The following GPC5 variants were observed in gnomAD, a reference collection of about 807,000 sequenced individuals.
GPC5 encodes glypican-5.
Under a neutral mutation model 53.9 loss-of-function variants are expected in GPC5, and 47 were observed. That is an observed-to-expected ratio of 0.87 (90% CI 0.69 to 1.11). GPC5 has a LOEUF of 1.11. Among genes scored for constraint, GPC5 ranks in the 50% most tolerant of loss-of-function variants. The pLI is 0.00. For missense variants in GPC5, 748 were observed against 713.1 expected (o/e 1.05, Z -0.56); for synonymous variants, 286 against 263.3 (o/e 1.09, Z -0.84).
At chr13:92,613,324 T>TTA (rs1278588764) in intron 7 of GPC5, among the ~76,000 whole-genome samples, 10 of 105,846 alleles carry the variant, frequency 9.4e-5, no homozygotes, top group Non-Finnish European at 6.8e-5. Context: ...TAATAAATAT[T>TTA]TATATAATAT....
At chr13:92,527,895 T>A (rs776065157) in intron 7 of GPC5, among the ~76,000 whole-genome samples, 1 of 152,120 alleles carries the variant, frequency 6.6e-6, no homozygotes, top group Non-Finnish European at 1.5e-5. Flanking sequence ...AAGTGTGACT[T>A]AGTTGTGATA....
chr13:92,415,515 A>C (rs1876247062), intron 7 of GPC5, among the ~76,000 whole-genome samples: 2 of 152,148 alleles, frequency 1.3e-5, no homozygotes, highest in Non-Finnish European at 2.9e-5. Context: ...CTCTTGACTG[A>C]GAATCAACAC....
At chr13:92,148,786 G>A (rs1645640528) in intron 7 of GPC5, among the ~76,000 whole-genome samples, 2 of 152,046 alleles carry the variant, frequency 1.3e-5, no homozygotes, top group South Asian at 4.2e-4. Context: ...TCTTCTTTTG[G>A]CCATGCAGAA....
chr13:92,848,736 G>A (rs1878690967), intron 7 of GPC5, among the ~76,000 whole-genome samples: 1 of 152,006 alleles, frequency 6.6e-6, no homozygotes. Context: ...ATTTATAATT[G>A]GAAAGTGTAT....
At chr13:91,698,474 A>C (rs952129853) in intron 3 of GPC5, among the ~76,000 whole-genome samples, 5 of 152,210 alleles carry the variant, frequency 3.3e-5, no homozygotes, top group Non-Finnish European at 5.9e-5. Flanking sequence ...CATTTAAACT[A>C]TACCTTCAAT....
intron 5 of GPC5, among the ~76,000 whole-genome samples, chr13:91,872,339 C>A (rs2039154752): frequency 6.6e-6 from 1 of 151,600 alleles, no homozygotes; most frequent in African/African-American, 2.4e-5. Flanking sequence ...CACTCAAGTT[C>A]AAAAAAATAA....
rs972385145 is a variant in GPC5 at position 91,427,592 on chromosome 13, T to C, written c.164-21169T>C. Among the ~76,000 whole-genome samples the C allele has an allele frequency of 2.0e-5, 3 of 152,196 alleles. No homozygotes were observed. In the South Asian group the frequency reaches 6.2e-4, roughly 31 times the overall value. On this transcript the variant is annotated intron_variant, in intron 1 of 7. Transcript: ENST00000377067. ...ACTTGTTTTTGATTTTACAGGCTCA[T>C]AGATAAAAGGGACTTGCCTTTTCTC...
chr13:91,794,104 A>C (rs939471724), intron 5 of GPC5, among the ~76,000 whole-genome samples: 14 of 152,306 alleles, frequency 9.2e-5, no homozygotes, highest in South Asian at 4.1e-4. Context: ...TAATGTAATA[A>C]TGCCTCAGCA....
At chr13:92,370,549 C>G (rs2043641806) in intron 7 of GPC5, among the ~76,000 whole-genome samples, 1 of 151,748 alleles carries the variant, frequency 6.6e-6, no homozygotes, top group South Asian at 2.1e-4. Flanking sequence ...AACAGCTTGT[C>G]AATCATCTCT....
intron 1 of GPC5, among the ~76,000 whole-genome samples, chr13:91,435,006 A>G (rs889301499): frequency 7.2e-5 from 11 of 152,190 alleles, no homozygotes; most frequent in Admixed American, 3.3e-4. Flanking sequence ...ATTGGTGTAT[A>G]AGAACGCTTG....
intron 7 of GPC5, among the ~76,000 whole-genome samples, chr13:92,151,210 A>T (rs73620825): frequency 0.01 from 1,568 of 152,198 alleles, 42 homozygotes; most frequent in African/African-American, 0.036. Context: ...AATAATTTTT[A>T]AAAAGAGTAT....
chr13:91,411,604 C>T (rs963214563), intron 1 of GPC5, among the ~76,000 whole-genome samples: 1 of 152,176 alleles, frequency 6.6e-6, no homozygotes, highest in Non-Finnish European at 1.5e-5. Flanking sequence ...TACATAAAAC[C>T]ATAGCTCCTG....
At chr13:92,425,501 T>C (rs1876791986) in intron 7 of GPC5, among the ~76,000 whole-genome samples, 1 of 152,056 alleles carries the variant, frequency 6.6e-6, no homozygotes, top group African/African-American at 2.4e-5. Context: ...TATCACCCCT[T>C]TAGAGCTAAG....
chr13:92,445,382 G>A (rs1385980664), intron 7 of GPC5, among the ~76,000 whole-genome samples: 2 of 149,754 alleles, frequency 1.3e-5, no homozygotes, highest in Admixed American at 6.7e-5. Context: ...AGTTACATAT[G>A]TATACATGTG....
chr13:91,613,225 T>A (rs1447620556), intron 2 of GPC5, among the ~76,000 whole-genome samples: 5 of 151,814 alleles, frequency 3.3e-5, no homozygotes, highest in African/African-American at 1.2e-4. Context: ...AAGGAAAGAG[T>A]TTTAATGGAC....
intron 7 of GPC5, among the ~76,000 whole-genome samples, chr13:92,283,886 A>C (rs2042934096): frequency 6.6e-6 from 1 of 152,244 alleles, no homozygotes; most frequent in African/African-American, 2.4e-5. Flanking sequence ...AGAAATAACT[A>C]AGATCAGAGC....
intron 6 of GPC5, among the ~76,000 whole-genome samples, chr13:92,004,458 T>TTATATATATA (rs58376767): frequency 0.016 from 1,330 of 82,368 alleles, 64 homozygotes; most frequent in Admixed American, 0.036. Flanking sequence ...AAAAAAAAAA[T>TTATATATATA]TATATATATA....
chr13:92,279,762 T>C (rs989447324), intron 7 of GPC5, among the ~76,000 whole-genome samples: 7 of 152,226 alleles, frequency 4.6e-5, no homozygotes, highest in Admixed American at 6.5e-5. Context: ...ATTTCTAGAA[T>C]AAATTCCACT....
intron 2 of GPC5, among the ~76,000 whole-genome samples, chr13:91,600,445 G>A (rs2033145151): frequency 6.6e-6 from 1 of 150,832 alleles, no homozygotes; most frequent in African/African-American, 2.4e-5. Context: ...TTGTGCCACT[G>A]CACTCCAGCC....
Sources: allele counts gnomAD v4.1 joint callset (sites outside exome capture counted in the v4.1 genomes callset), GRCh38; gene constraint gnomAD v4.1.1; transcripts MANE v1.5; gene names NCBI Gene and HGNC (gene_info 2026-07-23, HGNC 2026-07-21).